FAM118A: variants seen among roughly 807,000 people sequenced by gnomAD.
The protein encoded by FAM118A is protein FAM118A.
A neutral mutation model predicts 38.2 loss-of-function variants in FAM118A; 25 were observed. The ratio of observed to expected loss-of-function variants is 0.65; its 90% CI spans 0.48 to 0.91. The LOEUF (loss-of-function observed/expected upper bound fraction) is 0.91. Among genes scored for constraint, FAM118A ranks in the 40% least tolerant of loss-of-function variants. FAM118A has a pLI of 0.00. For synonymous variants in FAM118A, 178 were observed against 184.1 expected (o/e 0.97, Z 0.27); for missense variants, 425 against 463.3 (o/e 0.92, Z 0.76).
chr22:45,328,657 A>G, intron 4 of FAM118A: 1 of 577,516 alleles, frequency 1.7e-6, no homozygotes, highest in East Asian at 2.8e-5. Flanking sequence ...AATAATGGAA[A>G]GTGGCACACT....
chr22:45,334,298 G>T (rs1397354872), intron 6 of FAM118A, among the ~76,000 whole-genome samples: 3 of 152,162 alleles, frequency 2.0e-5, no homozygotes, highest in Admixed American at 6.5e-5. Context: ...TCGTTTAATT[G>T]TAACAGGAAA....
intron 8 of FAM118A, 24 bp downstream of exon 8, chr22:45,336,435 G>A (rs757977497): frequency 1.3e-6 from 2 of 1,593,188 alleles, no homozygotes; most frequent in Non-Finnish European, 1.7e-6. Flanking sequence ...TCTTTTTGTG[G>A]GGAGCTGCCT....
At chr22:45,327,007 C>G (rs1869913812) in intron 3 of FAM118A, among the ~76,000 whole-genome samples, 1 of 150,496 alleles carries the variant, frequency 6.6e-6, no homozygotes. Flanking sequence ...GAGTGAGACT[C>G]TGTCTCAAAA....
At chr22:45,325,140 G>C (rs769481773) in intron 3 of FAM118A, among the ~76,000 whole-genome samples, 2 of 152,248 alleles carry the variant, frequency 1.3e-5, no homozygotes, top group African/African-American at 4.8e-5. Flanking sequence ...GGGAAGGGTA[G>C]TGGGGTCGCT....
At chr22:45,322,488 G>T in intron 2 of FAM118A, 62 bp downstream of exon 2, 2 of 1,422,228 alleles carry the variant, frequency 1.4e-6, no homozygotes, top group Non-Finnish European at 1.9e-6. Flanking sequence ...TCTCTCGTGA[G>T]TGTGCGCACT....
intron 1 of FAM118A, among the ~76,000 whole-genome samples, chr22:45,316,699 A>C (rs1381046265): frequency 6.6e-6 from 1 of 152,206 alleles, no homozygotes; most frequent in Non-Finnish European, 1.5e-5. Flanking sequence ...TAGCACATTT[A>C]TAAATGCTTT....
chr22:45,336,394 G>A lies in FAM118A; in HGVS notation c.1037G>A (p.Arg346His), dbSNP rs766671592. 13 of 1,613,690 alleles carry A rather than the reference G, an allele frequency of 8.1e-6. No homozygotes were observed. The highest frequency in any genetic ancestry group is 4.5e-5 in the East Asian group (2 of 44,880). The change falls in exon 8 of 9, where the codon CGC becomes CAC. Residue 346 changes from arginine (R) to histidine (H), a missense_variant. By Grantham distance (29) the Arg-to-His change is conservative. Transcript: ENST00000441876. ...EENGIEVSKK[R>H]TQSDTDDAGG... ...AATGGAATTGAAGTTTCAAAAAAACGCACACAATCAGATACTGGTATTGTG... is the reference window on the plus strand; with the variant it reads ...AATGGAATTGAAGTTTCAAAAAAACACACACAATCAGATACTGGTATTGTG...
rs763870545 is a variant in FAM118A at position 45,336,401 on chromosome 22, A to G, written c.1044A>G (p.Gln348=). 1.7e-5 allele frequency: 27 copies of G among 1,613,324 alleles called. No homozygotes were observed. Among genetic ancestry groups the G allele is most frequent in the African/African-American group, 4.0e-5 (3 of 74,904 alleles). Residue 348 remains glutamine (Q), a synonymous_variant, in exon 8 of 9, where the codon CAA becomes CAG. Coordinates refer to ENST00000441876, the MANE Select transcript of FAM118A (RefSeq NM_017911.4). ...NGIEVSKKRT[Q]SDTDDAGGS ...TTGAAGTTTCAAAAAAACGCACACA[A>G]TCAGATACTGGTATTGTGTCTGTTC...
At chr22:45,337,721 T>A in intron 8 of FAM118A, 1 of 469,886 alleles carries the variant, frequency 2.1e-6, no homozygotes, top group Non-Finnish European at 2.8e-6. Flanking sequence ...CTCTCTGAGA[T>A]GGAGGCCTAG....
At chr22:45,323,473 C>T in intron 3 of FAM118A, 46 bp downstream of exon 3, 2 of 1,594,392 alleles carry the variant, frequency 1.3e-6, no homozygotes, top group Middle Eastern at 1.7e-4. Context: ...GGTTCTGCAG[C>T]AGGTTGGATG....
intron 1 of FAM118A, chr22:45,321,573 T>C (rs1358877655): frequency 6.6e-6 from 1 of 152,298 alleles, no homozygotes; most frequent in African/African-American, 2.4e-5. Flanking sequence ...TGCACCACCA[T>C]GCCTGGCAAA....
chr22:45,339,720 A>G (rs764109461), intron 8 of FAM118A, among the ~76,000 whole-genome samples: 1 of 152,152 alleles, frequency 6.6e-6, no homozygotes, highest in African/African-American at 2.4e-5. Flanking sequence ...ATTATTCTCA[A>G]TAGATTGGCT....
At chr22:45,334,035 A>G (rs1480018792) in intron 6 of FAM118A, among the ~76,000 whole-genome samples, 2 of 152,354 alleles carry the variant, frequency 1.3e-5, no homozygotes, top group African/African-American at 4.8e-5. Flanking sequence ...AAAAGTTACA[A>G]CTTCACAAGC....
intron 1 of FAM118A, among the ~76,000 whole-genome samples, chr22:45,311,630 A>G (rs891660141): frequency 5.9e-5 from 9 of 152,182 alleles, no homozygotes; most frequent in African/African-American, 2.2e-4. Context: ...TGGTACTTAA[A>G]GGGAGTGGGT....
intron 3 of FAM118A, among the ~76,000 whole-genome samples, chr22:45,325,237 T>C: frequency 6.6e-6 from 1 of 152,172 alleles, no homozygotes. Flanking sequence ...AAACAAGTAG[T>C]TGAGCATCAT....
chr22:45,323,195 T>C lies in FAM118A; in HGVS notation c.68T>C (p.Ile23Thr). 1.9e-6 allele frequency: 3 copies of C among 1,611,974 alleles called. No homozygotes were observed. In the South Asian group the frequency reaches 3.3e-5, roughly 18 times the overall value. ...QKSRKFLKSLIRKQPQELLLV... is the reference protein window; with the variant it reads ...QKSRKFLKSLTRKQPQELLLV... ...AGTAGAAAGTTTTTAAAAAGCCTCA[T>C]CCGGAAACAGCCCCAGGAACTGCTC... The change falls in exon 3 of 9, where the codon ATC (isoleucine) becomes ACC (threonine). Residue 23 changes from isoleucine (I) to threonine (T), a missense_variant. Ile to Thr is a moderately conservative substitution (Grantham distance 89, BLOSUM62 -1). Transcript: ENST00000441876.
intron 8 of FAM118A, among the ~76,000 whole-genome samples, chr22:45,339,319 A>G (rs2086317939): frequency 6.6e-6 from 1 of 152,092 alleles, no homozygotes; most frequent in South Asian, 2.1e-4. Flanking sequence ...GAATTGCTTG[A>G]ACCCAGGAGG....
chr22:45,331,856 T>C (rs917720013), intron 5 of FAM118A, among the ~76,000 whole-genome samples: 2 of 151,646 alleles, frequency 1.3e-5, no homozygotes, highest in Admixed American at 6.6e-5. Flanking sequence ...CAATCTGCTT[T>C]CCCTGTGCCC....
chr22:45,331,270 A>C (rs2085696006), intron 5 of FAM118A, among the ~76,000 whole-genome samples: 1 of 152,080 alleles, frequency 6.6e-6, no homozygotes, highest in Admixed American at 6.6e-5. Flanking sequence ...GCTATGGTGA[A>C]CTGGGATCGC....
Sources: gnomAD v4.1 joint callset for allele counts (sites outside exome capture counted in the v4.1 genomes callset) on GRCh38, gnomAD v4.1.1 for gene constraint, MANE v1.5 for transcripts, NCBI Gene and HGNC (gene_info 2026-07-23, HGNC 2026-07-21) for gene names.